The following PREX1 variants were observed in gnomAD, a reference collection of about 807,000 sequenced individuals.
PREX1 encodes phosphatidylinositol-3,4,5-trisphosphate dependent Rac exchange factor 1.
Under a neutral mutation model 198.3 loss-of-function variants are expected in PREX1, and 41 were observed. That is an observed-to-expected ratio of 0.21 (90% CI 0.16 to 0.27). The LOEUF is 0.27. PREX1 is among the 10% of genes least tolerant of loss of function. The pLI, the probability that PREX1 is intolerant of heterozygous loss-of-function variation, is 1.00. For missense variants in PREX1, 1,620 were observed against 2,200.7 expected (o/e 0.74, Z 5.28); for synonymous variants, 843 against 887.2 (o/e 0.95, Z 0.89).
chr20:48,838,993 C>CAAAAAAA, the PREX1 span, among the ~76,000 whole-genome samples: 18 of 23,044 alleles, frequency 7.8e-4, 2 homozygotes, highest in African/African-American at 2.5e-3. Flanking sequence ...GACTCTGTCT[C>CAAAAAAA]AAAAAAAAAA....
At chr20:48,729,930 T>C (rs1469501898) in intron 4 of PREX1, among the ~76,000 whole-genome samples, 1 of 152,036 alleles carries the variant, frequency 6.6e-6, no homozygotes, top group African/African-American at 2.4e-5. Context: ...ATCCAATGAC[T>C]CATGTCCTTA....
chr20:48,690,900 C>T (rs767276465), intron 9 of PREX1, 47 bp downstream of exon 9: 12 of 1,610,618 alleles, frequency 7.5e-6, no homozygotes, highest in African/African-American at 1.3e-5. Context: ...GAAGAAGCCA[C>T]GCATAGCTCA....
chr20:48,733,908 G>A (rs1023805857), intron 4 of PREX1, among the ~76,000 whole-genome samples: 6 of 152,046 alleles, frequency 3.9e-5, no homozygotes, highest in Admixed American at 1.3e-4. Context: ...ATGCCGCCAC[G>A]CCCAGTTAAT....
intron 4 of PREX1, among the ~76,000 whole-genome samples, chr20:48,732,975 C>T (rs550613416): frequency 3.4e-4 from 51 of 152,196 alleles, no homozygotes; most frequent in Non-Finnish European, 6.3e-4. Context: ...GCCACTATAC[C>T]AGCCCCAGAC....
chr20:48,762,797 G>A (rs1472246234), intron 1 of PREX1, among the ~76,000 whole-genome samples: 8 of 151,820 alleles, frequency 5.3e-5, no homozygotes, highest in African/African-American at 1.9e-4. Flanking sequence ...CCGCCTTCTG[G>A]GTTCAAGCGA....
intron 5 of PREX1, among the ~76,000 whole-genome samples, chr20:48,713,859 A>T (rs1311344285): frequency 3.8e-4 from 25 of 66,580 alleles, no homozygotes; most frequent in African/African-American, 1.5e-3. Flanking sequence ...CAGAACTATA[A>T]AAAAAAAAAA....
intron 9 of PREX1, among the ~76,000 whole-genome samples, chr20:48,690,250 G>A (rs909064921): frequency 6.6e-6 from 1 of 152,142 alleles, no homozygotes; most frequent in African/African-American, 2.4e-5. Flanking sequence ...TGGGAGGTGG[G>A]GAGGGTTTTT....
At chr20:48,861,654 T>C in the PREX1 span, among the ~76,000 whole-genome samples, 1 of 152,204 alleles carries the variant, frequency 6.6e-6, no homozygotes, top group Non-Finnish European at 1.5e-5. Flanking sequence ...TGAAGATTTC[T>C]TCTAAAACAC....
intron 10 of PREX1, 26 bp downstream of exon 10, chr20:48,688,631 A>G (rs761344473): frequency 6.2e-7 from 1 of 1,613,666 alleles, no homozygotes; most frequent in South Asian, 1.1e-5. Context: ...CCAGGGACCC[A>G]GGGAGTTCAG....
rs953750517 is a variant in PREX1 at position 48,827,172 on chromosome 20, C to T, written c.219+470G>A. Among the ~76,000 whole-genome samples the T allele has an allele frequency of 6.6e-6, 1 of 152,290 alleles. No individual in the cohort carries two copies. Among genetic ancestry groups the T allele is most frequent in the African/African-American group, 2.4e-5 (1 of 41,570 alleles). ...TGTCAATCCCCGCCCCTCCTCTGAG[C>T]TTCAGGTTTTATCCTACTCCATCAA... On this transcript the variant is annotated intron_variant, in intron 1 of 39. Coordinates refer to ENST00000371941, the MANE Select transcript of PREX1 (RefSeq NM_020820.4). The surrounding 1 kb of genome is among the most constrained non-coding windows in gnomAD (Gnocchi z 4.1).
At chr20:48,791,271 T>C (rs1430330392) in intron 1 of PREX1, among the ~76,000 whole-genome samples, 1 of 152,216 alleles carries the variant, frequency 6.6e-6, no homozygotes, top group Non-Finnish European at 1.5e-5. Flanking sequence ...GGCATTGCTG[T>C]GTCTGCACGT....
chr20:48,688,924 G>T, intron 9 of PREX1, 120 bp from the exon 10 acceptor site: 3 of 1,188,126 alleles, frequency 2.5e-6, no homozygotes, highest in East Asian at 2.4e-5. Context: ...CCCACCACCT[G>T]CCCTCCACCA....
Position 48,630,237 on chromosome 20 carries a change from G to A in PREX1, c.4593+491C>T, listed in dbSNP as rs189556130. On this transcript the variant is annotated intron_variant, in intron 36 of 39. Transcript: ENST00000371941. ...GAGGGTCAGAGGCAAGGAGCCCAAG[G>A]AGCCGAACTATCGAGGCCCCTCAGA... is the stretch of plus-strand genomic sequence containing the variant. Among the ~76,000 whole-genome samples, 163 of 152,308 alleles carry A rather than the reference G, an allele frequency of 1.1e-3. 3 individuals are homozygous for A. The highest frequency in any genetic ancestry group is 9.3e-3 in the Admixed American group (142 of 15,306).
chr20:48,645,703 T>C (rs1348920679), intron 26 of PREX1, 148 bp downstream of exon 26: 2 of 899,300 alleles, frequency 2.2e-6, no homozygotes, highest in East Asian at 5.3e-5. Flanking sequence ...TCTCAGATAA[T>C]CCCCCAGAAC....
At chr20:48,728,834 A>C (rs1014101707) in intron 4 of PREX1, among the ~76,000 whole-genome samples, 2 of 152,214 alleles carry the variant, frequency 1.3e-5, no homozygotes, top group Non-Finnish European at 2.9e-5. Flanking sequence ...TTAAAAAAAA[A>C]CAAAAACAAA....
Position 48,676,225 on chromosome 20 carries a change from C to T in PREX1, c.1633G>A (p.Gly545Arg). ...HLKTYKSVLP[G>R]SKLVDWLLAQ... The stretch of plus-strand genomic sequence containing the variant: ...AGCAGCCAGTCCACCAGCTTGCTCC[C>T]GGGAAGCACTGACTTGTAGGTCTTC... The change falls in exon 14 of 40, where the codon GGG (glycine) becomes AGG (arginine). Residue 545 changes from glycine (G) to arginine (R), a missense_variant. Gly to Arg is a moderately radical substitution (Grantham distance 125). Coordinates refer to ENST00000371941, the MANE Select transcript of PREX1 (RefSeq NM_020820.4). 6.2e-7 allele frequency: 1 copy of T among 1,614,020 alleles called. No homozygotes were observed. Among genetic ancestry groups the T allele is most frequent in the Non-Finnish European group, 8.5e-7 (1 of 1,179,962 alleles).
chr20:48,728,341 G>A (rs1323096865), intron 4 of PREX1, among the ~76,000 whole-genome samples: 1 of 152,238 alleles, frequency 6.6e-6, no homozygotes, highest in Admixed American at 6.5e-5. Flanking sequence ...AAAGCCTAAG[G>A]AAATAAGCAT....
chr20:48,668,994 C>T (rs879810067), intron 14 of PREX1, among the ~76,000 whole-genome samples: 1 of 152,132 alleles, frequency 6.6e-6, no homozygotes, highest in Admixed American at 6.5e-5. Flanking sequence ...CTCAGGTCAA[C>T]AGTGATACAG....
At chr20:48,771,232 GTCCCTAACCATT>G (rs1482973930) in intron 1 of PREX1, among the ~76,000 whole-genome samples, 2 of 151,462 alleles carry the variant, frequency 1.3e-5, no homozygotes, top group African/African-American at 4.9e-5. Context: ...TGTGGCTCAT[GTCCCTAACCATT>G]TCCCTATCCG....
Sources: gnomAD v4.1 joint callset for allele counts (sites outside exome capture counted in the v4.1 genomes callset) on GRCh38, gnomAD v4.1.1 for gene constraint, Gnocchi (gnomAD v3.1) non-coding constraint, MANE v1.5 for transcripts, NCBI Gene and HGNC (gene_info 2026-07-23, HGNC 2026-07-21) for gene names.